The following KIF27 variants were observed in gnomAD, a reference collection of about 807,000 sequenced individuals.
KIF27 encodes kinesin family member 27.
In KIF27, 84 loss-of-function variants were observed where a neutral mutation model predicts 141.8. The ratio of observed to expected loss-of-function variants is 0.59; its 90% CI spans 0.50 to 0.71. The LOEUF is 0.71. Ranked by LOEUF, KIF27 falls within the 30% of genes least tolerant of loss-of-function variation. The pLI is 0.00. For missense variants in KIF27, 1,306 were observed against 1,628.4 expected, an observed-to-expected ratio of 0.80 and a Z score of 3.41; for synonymous variants, 471 against 569.5, an observed-to-expected ratio of 0.83 and a Z score of 2.46.
At chr9:83,846,184 A>G (rs2778272) in intron 16 of KIF27, among the ~76,000 whole-genome samples, 3 of 152,036 alleles carry the variant, frequency 2.0e-5, no homozygotes, top group African/African-American at 7.3e-5. Context: ...CAGGGTGATC[A>G]GCGAGCTACC....
rs1377800767 is a variant in KIF27, at chr9:83,835,937, G to A, written c.*1064C>T. ...ATGTTTCCTATAACTGAAAAATATGGTTAAAAAGTACAAACTACATTTGGT... is the reference window on the plus strand; with the variant it reads ...ATGTTTCCTATAACTGAAAAATATGATTAAAAAGTACAAACTACATTTGGT... On this transcript the variant is annotated 3_prime_UTR_variant, in exon 18 of 18. Coordinates refer to ENST00000297814, the MANE Select transcript of KIF27 (RefSeq NM_017576.4). 6.6e-6 allele frequency among the ~76,000 whole-genome samples: 1 copy of A among 152,046 alleles called. No individual in the cohort carries two copies. The highest frequency in any genetic ancestry group is 2.4e-5 in the African/African-American group (1 of 41,406).
In KIF27 at chr9:83,850,192, G is replaced by C. The variant is rs1384078903; in HGVS notation, c.3463C>G (p.Leu1155Val). Residue 1155 changes from leucine to valine, a missense_variant, in exon 16 of 18, where the codon CTG becomes GTG. This residue lies in a region of KIF27 where 596 missense variants were observed against 751.6 expected (regional missense o/e 0.79). Transcript: ENST00000297814. ...TCACACTGCAATTTTAGATGGTCCAGTGCAGATTCTAATTCACGAACCATA... is the reference window on the plus strand; with the variant it reads ...TCACACTGCAATTTTAGATGGTCCACTGCAGATTCTAATTCACGAACCATA... ...DNMVRELESA[L>V]DHLKLQCDRR... 4.3e-6 allele frequency: 7 copies of C among 1,612,210 alleles called. No individual in the cohort carries two copies. The highest frequency in any genetic ancestry group is 5.9e-6 in the Non-Finnish European group (7 of 1,178,362).
chr9:83,917,002 CT>C (rs1342155788), intron 1 of KIF27, among the ~76,000 whole-genome samples: 2 of 151,578 alleles, frequency 1.3e-5, no homozygotes, highest in African/African-American at 4.8e-5. Flanking sequence ...TTTTATTATA[CT>C]TTAAGTTCTA....
chr9:83,907,043 C>A (rs1489931908), intron 3 of KIF27, among the ~76,000 whole-genome samples: 2 of 151,886 alleles, frequency 1.3e-5, no homozygotes, highest in African/African-American at 2.4e-5. Flanking sequence ...GTAATCCCAG[C>A]ACTTTGGGAG....
At chr9:83,917,810 T>C (rs141042000) in intron 1 of KIF27, among the ~76,000 whole-genome samples, 3 of 152,288 alleles carry the variant, frequency 2.0e-5, no homozygotes, top group East Asian at 1.9e-4. Context: ...AAATGGACCA[T>C]AGACCTAAAC....
chr9:83,866,679 C>T (rs1372988340), intron 13 of KIF27, among the ~76,000 whole-genome samples: 1 of 152,130 alleles, frequency 6.6e-6, no homozygotes, highest in South Asian at 2.1e-4. Context: ...AGTTCGAGAC[C>T]AGTCTGACCA....
At chr9:83,845,214 A>G (rs1947104532) in intron 16 of KIF27, among the ~76,000 whole-genome samples, 1 of 152,182 alleles carries the variant, frequency 6.6e-6, no homozygotes, top group African/African-American at 2.4e-5. Flanking sequence ...TCTCCTTTTA[A>G]GAGACAGCTC....
intron 5 of KIF27, among the ~76,000 whole-genome samples, chr9:83,896,051 CAAAAAAAAAAA>C (rs35504224): frequency 1.8e-5 from 1 of 54,524 alleles, no homozygotes; most frequent in African/African-American, 6.2e-5. Context: ...GACTCTGTCT[CAAAAAAAAAAA>C]AAAAAAAAAA....
chr9:83,919,962 T>C (rs527885743), intron 1 of KIF27, among the ~76,000 whole-genome samples: 1 of 151,728 alleles, frequency 6.6e-6, no homozygotes, highest in Non-Finnish European at 1.5e-5. Flanking sequence ...CCGGGCACAG[T>C]GGTTCACACC....
rs1945766528 is a variant in KIF27 at position 83,835,794 on chromosome 9, A to G, written c.*1207T>C. The G allele has an allele frequency of 6.6e-6, 1 of 152,250 alleles. No individual in the cohort carries two copies. Among genetic ancestry groups the G allele is most frequent in the Non-Finnish European group, 1.5e-5 (1 of 68,052 alleles). The allele number at this position is 152,250 out of a possible 1,614,324, so 9.4% of individuals were successfully genotyped here. A position where few individuals can be genotyped will look rare whatever the true frequency, so the allele number is the denominator to read the frequency against. On this transcript the variant is annotated 3_prime_UTR_variant, in exon 18 of 18. Transcript: ENST00000297814. ...GCATCCATGTCAGGATGGTTTTGCT[A>G]CAGCCCCCAACAAAACATTAATTAG... is the stretch of plus-strand genomic sequence containing the variant.
Position 83,903,854 on chromosome 9 carries a change from T to A in KIF27, c.664A>T (p.Met222Leu). The A allele has an allele frequency of 6.2e-7, 1 of 1,614,210 alleles. No homozygotes were observed. The highest frequency in any genetic ancestry group is 8.5e-7 in the Non-Finnish European group (1 of 1,180,040). Reference sequence around the variant, plus strand: ...CATGATCCATCTTCAGCTGCCTCCATATTTTTATGAACTTGACAAATGCTG... The same window carrying A: ...CATGATCCATCTTCAGCTGCCTCCAAATTTTTATGAACTTGACAAATGCTG... Reference protein sequence around the residue: ...TISICQVHKNMEAAEDGSWYS... With the variant: ...TISICQVHKNLEAAEDGSWYS... Residue 222 changes from methionine (M) to leucine (L), a missense_variant, in exon 4 of 18, where the codon ATG becomes TTG. By Grantham distance (15) the Met-to-Leu change is conservative. Transcript: ENST00000297814.
At chr9:83,854,184 A>C (rs1333711893) in intron 14 of KIF27, among the ~76,000 whole-genome samples, 1 of 152,220 alleles carries the variant, frequency 6.6e-6, no homozygotes, top group Non-Finnish European at 1.5e-5. Flanking sequence ...TACTTGAACA[A>C]AGCCTAAGCC....
intron 9 of KIF27, among the ~76,000 whole-genome samples, 164 bp downstream of exon 9, chr9:83,886,877 T>C (rs1479546234): frequency 1.3e-5 from 2 of 152,232 alleles, no homozygotes; most frequent in East Asian, 3.8e-4. Context: ...AAAATTCTTC[T>C]GATAACTAAC....
chr9:83,890,904 C>A (rs2780184), intron 6 of KIF27, among the ~76,000 whole-genome samples: 1 of 152,164 alleles, frequency 6.6e-6, no homozygotes, highest in African/African-American at 2.4e-5. Flanking sequence ...TAAGACTGAA[C>A]AGCATATAAA....
At chr9:83,875,038 T>A (rs886349313) in intron 11 of KIF27, among the ~76,000 whole-genome samples, 1 of 151,964 alleles carries the variant, frequency 6.6e-6, no homozygotes, top group African/African-American at 2.4e-5. Context: ...AGACAGTGTC[T>A]TCTTTTCCCT....
intron 5 of KIF27, among the ~76,000 whole-genome samples, chr9:83,893,996 TAAAC>T (rs1473577306): frequency 5.9e-5 from 9 of 152,264 alleles, no homozygotes; most frequent in South Asian, 4.1e-4. Context: ...AAGACTATCA[TAAAC>T]AAACTTATGC....
intron 15 of KIF27, among the ~76,000 whole-genome samples, chr9:83,852,099 CAG>C (rs751626819): frequency 6.7e-6 from 1 of 148,824 alleles, no homozygotes; most frequent in Non-Finnish European, 1.5e-5. Context: ...GTCTGGACAA[CAG>C]AGTGAGAGTC....
intron 4 of KIF27, among the ~76,000 whole-genome samples, chr9:83,901,379 A>G (rs1006735300): frequency 6.6e-6 from 1 of 152,230 alleles, no homozygotes; most frequent in African/African-American, 2.4e-5. Flanking sequence ...AAGAACATCC[A>G]CAATTATCTG....
intron 11 of KIF27, among the ~76,000 whole-genome samples, chr9:83,876,623 A>G (rs946085386): frequency 1.3e-5 from 2 of 152,208 alleles, no homozygotes; most frequent in African/African-American, 2.4e-5. Context: ...CTTGAAAAAG[A>G]AGAGCAAGGT....
Sources: allele counts gnomAD v4.1 joint callset (sites outside exome capture counted in the v4.1 genomes callset), GRCh38; gene constraint gnomAD v4.1.1; regional missense constraint gnomAD v4.1.1; transcripts MANE v1.5; gene names NCBI Gene and HGNC (gene_info 2026-07-23, HGNC 2026-07-21).